The following SNTG1 variants were observed in gnomAD, a reference collection of about 807,000 sequenced individuals.
SNTG1 encodes the protein syntrophin gamma 1.
Under a neutral mutation model 74.7 loss-of-function variants are expected in SNTG1, and 39 were observed. That is an observed-to-expected ratio of 0.52 (90% confidence interval 0.40 to 0.68). The LOEUF is 0.68. SNTG1 is among the 30% of genes least tolerant of loss of function. SNTG1 has a pLI of 0.00. For synonymous variants in SNTG1, 254 were observed against 217.1 expected (o/e 1.17, Z -1.49); for missense variants, 685 against 609.5 (o/e 1.12, Z -1.30).
At chr8:50,779,261 G>A (rs2095650929) in intron 18 of SNTG1, among the ~76,000 whole-genome samples, 1 of 152,158 alleles carries the variant, frequency 6.6e-6, no homozygotes, top group African/African-American at 2.4e-5. Context: ...TAGCTTGATG[G>A]GGATGGCATT....
intron 1 of SNTG1, among the ~76,000 whole-genome samples, chr8:50,110,963 T>G (rs944155890): frequency 6.6e-6 from 1 of 152,208 alleles, no homozygotes; most frequent in Non-Finnish European, 1.5e-5. Flanking sequence ...TATTTGTTAT[T>G]TCTATGAAAT....
chr8:50,402,445 T>A, intron 4 of SNTG1, 101 bp downstream of exon 4: 1 of 1,350,886 alleles, frequency 7.4e-7, no homozygotes, highest in South Asian at 1.5e-5. Flanking sequence ...TTTCAGTGTC[T>A]AGTCAATGGT....
intron 1 of SNTG1, among the ~76,000 whole-genome samples, chr8:50,038,212 C>G (rs964727770): frequency 2.0e-5 from 3 of 152,186 alleles, no homozygotes; most frequent in Non-Finnish European, 1.5e-5. Context: ...ACCCTTCCCT[C>G]TGGCTGATCT....
chr8:50,551,444 T>C (rs975356637), intron 11 of SNTG1, among the ~76,000 whole-genome samples: 2 of 152,178 alleles, frequency 1.3e-5, no homozygotes, highest in African/African-American at 4.8e-5. Context: ...ATCTAGCTGC[T>C]ATTTAAAGCA....
chr8:50,724,927 T>A (rs1176849424), intron 17 of SNTG1, among the ~76,000 whole-genome samples: 1 of 152,150 alleles, frequency 6.6e-6, no homozygotes, highest in Non-Finnish European at 1.5e-5. Context: ...AAAAAACAGT[T>A]ATTAGAGTTA....
intron 13 of SNTG1, among the ~76,000 whole-genome samples, chr8:50,651,875 GT>G (rs1334985381): frequency 9.3e-5 from 14 of 151,324 alleles, no homozygotes. Flanking sequence ...CACCTCCCAG[GT>G]TCAAGTGATT....
chr8:50,337,475 G>A (rs978717822), intron 2 of SNTG1, among the ~76,000 whole-genome samples: 30 of 152,130 alleles, frequency 2.0e-4, no homozygotes, highest in African/African-American at 6.3e-4. Context: ...ATTTCTACCC[G>A]TTTCCTGCAA....
chr8:50,442,959 C>T (rs150690185), intron 5 of SNTG1, among the ~76,000 whole-genome samples: 50 of 152,260 alleles, frequency 3.3e-4, no homozygotes, highest in Non-Finnish European at 1.0e-4. Context: ...GGTTCTTCTC[C>T]CAGCCCCACC....
chr8:50,291,873 A>T (rs1240340124), intron 2 of SNTG1, among the ~76,000 whole-genome samples: 1 of 152,118 alleles, frequency 6.6e-6, no homozygotes, highest in Non-Finnish European at 1.5e-5. Flanking sequence ...GATGGATCTG[A>T]TCTATGTGAG....
chr8:50,171,475 G>C (rs1041545809), intron 1 of SNTG1, among the ~76,000 whole-genome samples: 1 of 152,104 alleles, frequency 6.6e-6, no homozygotes, highest in Non-Finnish European at 1.5e-5. Flanking sequence ...TCCTGGCAAA[G>C]CTGGCAGCTG....
rs187570196 is a variant in SNTG1 at position 50,580,397 on chromosome 8, G to A, written c.811-10482G>A. 2.0e-5 allele frequency among the ~76,000 whole-genome samples: 3 copies of A among 152,274 alleles called. No individual in the cohort carries two copies. The East Asian group carries it at 5.8e-4, about 29-fold the overall frequency. On this transcript the variant is annotated intron_variant, in intron 12 of 18. Coordinates refer to ENST00000642720, the MANE Select transcript of SNTG1 (RefSeq NM_018967.5). ...ATGCTGGAATGAGTTAAGGCTTTGG[G>A]GGACTGTTGGAAGGGCATGATGGTG...
intron 2 of SNTG1, among the ~76,000 whole-genome samples, chr8:50,285,816 A>T (rs1344057737): frequency 2.4e-3 from 45 of 19,144 alleles, no homozygotes; most frequent in Admixed American, 3.8e-3. Flanking sequence ...TATATTTCCA[A>T]AAAAAAAAAA....
rs183035423 is a variant in SNTG1 at position 50,225,087 on chromosome 8, C to T, written c.-28+52452C>T. On this transcript the variant is annotated intron_variant, in intron 2 of 18. Transcript: ENST00000642720. The stretch of plus-strand genomic sequence containing the variant: ...CTGGGTTCACGCCATTCCCCTGCCT[C>T]AGCCTCCTGAGTAGCTGGGACTACA... 6.6e-5 allele frequency among the ~76,000 whole-genome samples: 10 copies of T among 152,234 alleles called. No homozygotes were observed. The East Asian group carries it at 1.7e-3, about 27-fold the overall frequency.
chr8:50,692,008 A>G lies in SNTG1; in HGVS notation c.1039-12592A>G, dbSNP rs139281599. On this transcript the variant is annotated intron_variant, in intron 15 of 18. Transcript: ENST00000642720. ...CTTCATTTCATTCATTTCATCTTCCATCACTGATACCCTTTCTTCCAGTTG... is the reference window on the plus strand; with the variant it reads ...CTTCATTTCATTCATTTCATCTTCCGTCACTGATACCCTTTCTTCCAGTTG... 9.4e-3 allele frequency among the ~76,000 whole-genome samples: 1,436 copies of G among 152,152 alleles called. 31 individuals carry two copies. Among genetic ancestry groups the G allele is most frequent in the African/African-American group, 0.032 (1,326 of 41,508 alleles).
intron 5 of SNTG1, among the ~76,000 whole-genome samples, chr8:50,440,892 C>T (rs778692466): frequency 1.4e-4 from 22 of 152,136 alleles, no homozygotes; most frequent in Non-Finnish European, 2.6e-4. Flanking sequence ...GTTAAAAACA[C>T]ATTCTTTAAA....
intron 2 of SNTG1, among the ~76,000 whole-genome samples, chr8:50,246,059 T>A (rs941645945): frequency 6.6e-6 from 1 of 151,434 alleles, no homozygotes; most frequent in African/African-American, 2.4e-5. Flanking sequence ...AAACATTAAA[T>A]AATCCTTATT....
intron 13 of SNTG1, among the ~76,000 whole-genome samples, chr8:50,649,869 T>C (rs1010217475): frequency 6.6e-6 from 1 of 151,978 alleles, no homozygotes; most frequent in Non-Finnish European, 1.5e-5. Context: ...TTTGGCAACA[T>C]TGAGAAATTT....
At chr8:50,778,956 G>A (rs891492081) in intron 18 of SNTG1, among the ~76,000 whole-genome samples, 1 of 151,970 alleles carries the variant, frequency 6.6e-6, no homozygotes, top group Non-Finnish European at 1.5e-5. Context: ...TTTATTAAAT[G>A]GGGAATCTTT....
At chr8:50,742,456 A>G (rs1037305051) in intron 17 of SNTG1, among the ~76,000 whole-genome samples, 2 of 151,998 alleles carry the variant, frequency 1.3e-5, no homozygotes, top group Admixed American at 6.6e-5. Context: ...TTAGAGGAAA[A>G]TGAAAGTGAA....
Sources: gnomAD v4.1 joint callset for allele counts (sites outside exome capture counted in the v4.1 genomes callset) on GRCh38, gnomAD v4.1.1 for gene constraint, MANE v1.5 for transcripts, NCBI Gene and HGNC (gene_info 2026-07-23, HGNC 2026-07-21) for gene names.